Variants in IQGAP2 observed in about 807,000 individuals in gnomAD.
The protein encoded by IQGAP2 is ras GTPase-activating-like protein IQGAP2.
In IQGAP2, 173 loss-of-function variants were observed where a neutral mutation model predicts 201.3. The observed-to-expected ratio is 0.86, with a 90% CI of 0.76 to 0.98. The LOEUF is 0.98. Among genes scored for constraint, IQGAP2 ranks in the 50% least tolerant of loss-of-function variants. IQGAP2 has a pLI of 0.00. For missense variants in IQGAP2, 1,687 were observed against 1,864.8 expected (o/e 0.90, Z 1.76); for synonymous variants, 675 against 673.9 (o/e 1.00, Z -0.03).
chr5:76,649,828 C>T, intron 17 of IQGAP2, among the ~76,000 whole-genome samples: 1 of 152,366 alleles, frequency 6.6e-6, no homozygotes, highest in African/African-American at 2.4e-5. Flanking sequence ...CTGCAGCAGG[C>T]TTCTGCCTGG....
In IQGAP2 at chr5:76,438,655, A is replaced by G. The variant is rs913689678; in HGVS notation, c.47-22915A>G. ...ATGGACTTTCACCATGTTGGCCAGG[A>G]TGGTCTCAAACTCCTGACTTCAGGT... On this transcript the variant is annotated intron_variant, in intron 1 of 35. Coordinates refer to ENST00000274364, the MANE Select transcript of IQGAP2 (RefSeq NM_006633.5). Among the ~76,000 whole-genome samples, 4 of 151,876 alleles carry G rather than the reference A, an allele frequency of 2.6e-5. No individual in the cohort carries two copies. In the East Asian group the frequency reaches 5.8e-4, roughly 22 times the overall value.
chr5:76,692,658 C>G (rs1199822229), intron 30 of IQGAP2, among the ~76,000 whole-genome samples: 1 of 152,174 alleles, frequency 6.6e-6, no homozygotes, highest in Non-Finnish European at 1.5e-5. Context: ...AAGAATTTTC[C>G]AGCTCTTTAC....
chr5:76,551,380 C>T (rs1299340088), intron 2 of IQGAP2, among the ~76,000 whole-genome samples: 5 of 143,220 alleles, frequency 3.5e-5, no homozygotes, highest in East Asian at 2.1e-4. Context: ...ACTGGGCGGC[C>T]GGGCAGAGGG....
At chr5:76,447,734 C>T (rs140028309) in intron 1 of IQGAP2, among the ~76,000 whole-genome samples, 5 of 152,264 alleles carry the variant, frequency 3.3e-5, no homozygotes, top group Admixed American at 3.3e-4. Context: ...GGTATGCAGA[C>T]CTATGCAGCC....
intron 34 of IQGAP2, 34 bp from the exon 35 acceptor site, chr5:76,702,447 TA>T: frequency 1.0e-6 from 1 of 970,194 alleles, no homozygotes; most frequent in Non-Finnish European, 1.7e-6. Context: ...TCTGTATTTG[TA>T]ATTTCTCATG....
chr5:76,450,636 A>G (rs537666145), intron 1 of IQGAP2, among the ~76,000 whole-genome samples: 2 of 152,336 alleles, frequency 1.3e-5, no homozygotes, highest in South Asian at 2.1e-4. Flanking sequence ...TGAAGAGCTC[A>G]GCATGTTTGG....
chr5:76,695,355 G>A, intron 31 of IQGAP2, 99 bp from the exon 32 acceptor site: 1 of 962,892 alleles, frequency 1.0e-6, no homozygotes, highest in Non-Finnish European at 1.6e-6. Flanking sequence ...TTTGGCTGGA[G>A]GACTACTTTC....
In IQGAP2 at chr5:76,610,203, G is replaced by A. The variant is rs186295610; in HGVS notation, c.1358-817G>A. ...GCTAGAGTGCAGTGGTGCAATCTTG[G>A]CTCACTGCAACCTCTGCCTCCTGGA... On this transcript the variant is annotated intron_variant, in intron 12 of 35. Coordinates refer to ENST00000274364, the MANE Select transcript of IQGAP2 (RefSeq NM_006633.5). Among the ~76,000 whole-genome samples, 550 of 129,994 alleles carry A rather than the reference G, an allele frequency of 4.2e-3. 5 individuals are homozygous for A. The highest frequency in any genetic ancestry group is 0.015 in the African/African-American group (508 of 33,724). The allele number at this position is 129,994 out of a possible 152,430, so 85.3% of individuals were successfully genotyped here. A position where few individuals can be genotyped will look rare whatever the true frequency, so the allele number is the denominator to read the frequency against.
intron 2 of IQGAP2, among the ~76,000 whole-genome samples, chr5:76,559,147 C>A (rs562602539): frequency 6.6e-6 from 1 of 152,124 alleles, no homozygotes; most frequent in Non-Finnish European, 1.5e-5. Context: ...GTGATCCGCC[C>A]GCCTCAGCCT....
chr5:76,676,294 A>G (rs1264090871), intron 27 of IQGAP2, among the ~76,000 whole-genome samples: 1 of 152,144 alleles, frequency 6.6e-6, no homozygotes, highest in Non-Finnish European at 1.5e-5. Flanking sequence ...TTTCTCAGAA[A>G]TCTACAAAAA....
chr5:76,610,050 T>TTCTTTC (rs1748155001), intron 12 of IQGAP2, among the ~76,000 whole-genome samples: 1 of 19,062 alleles, frequency 5.2e-5, no homozygotes, highest in African/African-American at 3.0e-4. Context: ...TGTTCTCTCT[T>TTCTTTC]TCTCTCTCTC....
At chr5:76,521,420 CA>C (rs1442733128) in intron 2 of IQGAP2, among the ~76,000 whole-genome samples, 2 of 152,196 alleles carry the variant, frequency 1.3e-5, no homozygotes, top group Non-Finnish European at 2.9e-5. Context: ...TGGGGAAAAG[CA>C]GGCAAAATCT....
chr5:76,597,852 G>C (rs1376774400), intron 10 of IQGAP2, among the ~76,000 whole-genome samples: 1 of 152,102 alleles, frequency 6.6e-6, no homozygotes, highest in Non-Finnish European at 1.5e-5. Context: ...TGTGAAAATA[G>C]GTTGTTCTTA....
At chr5:76,695,835 CTTTT>C in intron 32 of IQGAP2, among the ~76,000 whole-genome samples, 169 bp downstream of exon 32, 1 of 83,104 alleles carries the variant, frequency 1.2e-5, no homozygotes, top group African/African-American at 5.1e-5. Flanking sequence ...CAGTTGATGA[CTTTT>C]TTTTTTTTTT....
chr5:76,618,117 T>C (rs779685516), intron 13 of IQGAP2: 7 of 1,614,008 alleles, frequency 4.3e-6, no homozygotes, highest in Admixed American at 1.7e-5. Flanking sequence ...GGTGAAAGGA[T>C]GGACGATGGC....
intron 15 of IQGAP2, among the ~76,000 whole-genome samples, chr5:76,635,097 A>G (rs992878180): frequency 6.6e-6 from 1 of 152,210 alleles, no homozygotes; most frequent in Non-Finnish European, 1.5e-5. Flanking sequence ...ATCAGGAATT[A>G]CTGTAATGTC....
At chr5:76,545,975 C>A (rs565942552) in intron 2 of IQGAP2, among the ~76,000 whole-genome samples, 9 of 152,208 alleles carry the variant, frequency 5.9e-5, no homozygotes, top group Non-Finnish European at 1.0e-4. Flanking sequence ...TGGTTACATG[C>A]GTATCATTGG....
At chr5:76,554,446 A>C (rs939983273) in intron 2 of IQGAP2, among the ~76,000 whole-genome samples, 5 of 152,198 alleles carry the variant, frequency 3.3e-5, no homozygotes, top group Admixed American at 3.3e-4. Context: ...CTGAATATGT[A>C]AGGAACTCTT....
intron 2 of IQGAP2, among the ~76,000 whole-genome samples, chr5:76,486,927 T>C (rs1756183520): frequency 6.6e-6 from 1 of 152,176 alleles, no homozygotes; most frequent in Non-Finnish European, 1.5e-5. Context: ...ACCTGAGGAC[T>C]ATCTAGAATA....
Sources: gnomAD v4.1 joint callset for allele counts (sites outside exome capture counted in the v4.1 genomes callset) on GRCh38, gnomAD v4.1.1 for gene constraint, MANE v1.5 for transcripts, NCBI Gene and HGNC (gene_info 2026-07-23, HGNC 2026-07-21) for gene names.